The following ADAMTS20 variants were observed in gnomAD, a reference collection of about 807,000 sequenced individuals.
ADAMTS20 encodes ADAM metallopeptidase with thrombospondin type 1 motif 20.
In ADAMTS20, 225 loss-of-function variants were observed where a neutral mutation model predicts 260.1. That is an observed-to-expected ratio of 0.87 (90% CI 0.78 to 0.97). The LOEUF (loss-of-function observed/expected upper bound fraction) is 0.97. Ranked by LOEUF, ADAMTS20 falls within the 50% of genes least tolerant of loss-of-function variation. The pLI is 0.00. For missense variants in ADAMTS20, 2,400 were observed against 2,337.7 expected (o/e 1.03, Z -0.55); for synonymous variants, 802 against 769.5 (o/e 1.04, Z -0.70).
At chr12:43,374,776 G>A (rs564341707) in intron 36 of ADAMTS20, among the ~76,000 whole-genome samples, 2 of 152,270 alleles carry the variant, frequency 1.3e-5, no homozygotes, top group South Asian at 4.1e-4. Context: ...AGTAGACCGA[G>A]GATATTAACT....
At chr12:43,490,607 T>C (rs1322038080) in intron 6 of ADAMTS20, among the ~76,000 whole-genome samples, 172 bp from the exon 7 acceptor site, 4 of 152,084 alleles carry the variant, frequency 2.6e-5, no homozygotes, top group Non-Finnish European at 5.9e-5. Context: ...GCACCATTTG[T>C]CCACATCAAT....
Position 43,439,760 on chromosome 12 carries a change from G to A in ADAMTS20, c.2464-9C>T. ...TTACCCACACACAACACCTCAATAAGAATATAAAAGAACATACAATTAATA... is the reference window on the plus strand; with the variant it reads ...TTACCCACACACAACACCTCAATAAAAATATAAAAGAACATACAATTAATA... On this transcript the variant is annotated splice_polypyrimidine_tract_variant and intron_variant, in intron 17 of 38. Transcript: ENST00000389420. 1 of 1,597,866 alleles carries A rather than the reference G, an allele frequency of 6.3e-7. No homozygotes were observed. The highest frequency in any genetic ancestry group is 1.1e-5 in the South Asian group (1 of 88,030).
chr12:43,481,859 A>G (rs1942447272), intron 7 of ADAMTS20, among the ~76,000 whole-genome samples: 1 of 152,186 alleles, frequency 6.6e-6, no homozygotes, highest in African/African-American at 2.4e-5. Flanking sequence ...AACTTAACCG[A>G]AAAATGGAAA....
chr12:43,361,148 T>C (rs945115670), intron 37 of ADAMTS20, among the ~76,000 whole-genome samples: 2 of 152,228 alleles, frequency 1.3e-5, no homozygotes, highest in Non-Finnish European at 2.9e-5. Context: ...TCCATACTCT[T>C]TTTTAGCATT....
intron 3 of ADAMTS20, among the ~76,000 whole-genome samples, chr12:43,505,515 C>G (rs895956190): frequency 1.3e-5 from 2 of 152,094 alleles, no homozygotes; most frequent in Non-Finnish European, 2.9e-5. Context: ...TACAAATTAT[C>G]AACACACATA....
rs1267469498 is a variant in ADAMTS20, at chr12:43,493,206, T to C, written c.915A>G (p.Ile305Met). The C allele has an allele frequency of 6.4e-7, 1 of 1,563,112 alleles. No homozygotes were observed. The highest frequency in any genetic ancestry group is 1.7e-4 in the Middle Eastern group (1 of 5,786). ...KDPSIGNLIH[I>M]VVVKLVMIHR... ...GAATCATAACTAATTTTACCACTAC[T>C]ATGTGTATCAAATTTCCAATACTTG... Residue 305 changes from isoleucine to methionine, a missense_variant, in exon 5 of 39, where the codon ATA becomes ATG. Coordinates refer to ENST00000389420, the MANE Select transcript of ADAMTS20 (RefSeq NM_025003.5).
intron 2 of ADAMTS20, among the ~76,000 whole-genome samples, chr12:43,542,045 C>G (rs275627): frequency 0.93 from 141,890 of 152,188 alleles, 66,521 homozygotes; most frequent in East Asian, 0.99. Context: ...CAGCAGCCTT[C>G]ATAACATGGA....
Position 43,551,739 on chromosome 12 carries a change from A to G in ADAMTS20, c.91+92T>C, listed in dbSNP as rs1364422252. The G allele has an allele frequency of 3.7e-6, 5 of 1,345,692 alleles. No homozygotes were observed. The highest frequency in any genetic ancestry group is 5.2e-6 in the Non-Finnish European group (5 of 954,020). 83.4% of individuals were successfully genotyped at this position (1,345,692 alleles called of 1,614,324 possible). ...GCTCCAGCAGGGCCAGCGTTCCCCA[A>G]CGGGCTGAGCCGCTCGTCCCCGCGA... On this transcript the variant is annotated intron_variant, in intron 1 of 38. Coordinates refer to ENST00000389420, the MANE Select transcript of ADAMTS20 (RefSeq NM_025003.5). This position sits in a 1 kb window ranked among gnomAD's most constrained non-coding sequence, Gnocchi z 4.6.
chr12:43,433,680 G>A (rs942726355), intron 19 of ADAMTS20: 125 of 319,526 alleles, frequency 3.9e-4, no homozygotes, highest in South Asian at 6.1e-4. Flanking sequence ...GACCAATCAC[G>A]CACACACACA....
intron 18 of ADAMTS20, among the ~76,000 whole-genome samples, chr12:43,439,009 T>A (rs757799657): frequency 1.3e-4 from 20 of 152,316 alleles, no homozygotes; most frequent in Non-Finnish European, 2.2e-4. Flanking sequence ...ATTCCCTCAA[T>A]AAATATGTAC....
At chr12:43,392,040 T>C (rs1292222893) in intron 29 of ADAMTS20, among the ~76,000 whole-genome samples, 1 of 152,164 alleles carries the variant, frequency 6.6e-6, no homozygotes, top group African/African-American at 2.4e-5. Context: ...CTGACCTTCA[T>C]GTTATGCTTA....
intron 28 of ADAMTS20, chr12:43,423,551 GA>G (rs968857250): frequency 1.4e-5 from 8 of 591,696 alleles, no homozygotes; most frequent in Non-Finnish European, 2.4e-5. Flanking sequence ...TCCTAATTGG[GA>G]AAAAATTCCA....
At chr12:43,411,090 A>G (rs1322138273) in intron 28 of ADAMTS20, among the ~76,000 whole-genome samples, 1 of 152,240 alleles carries the variant, frequency 6.6e-6, no homozygotes, top group Non-Finnish European at 1.5e-5. Flanking sequence ...TTAGATATAT[A>G]CAGTATTTAT....
chr12:43,421,244 C>T (rs1421478786), intron 28 of ADAMTS20, among the ~76,000 whole-genome samples: 6 of 124,648 alleles, frequency 4.8e-5, no homozygotes, highest in African/African-American at 9.4e-5. Flanking sequence ...AAAGTGAATG[C>T]GCCAGAATTT....
In ADAMTS20 at chr12:43,492,633, T is replaced by C. The variant is rs376839609; in HGVS notation, c.952-4A>G. ...CAAAATTAATGACTGGTCCTTCCTA[T>C]GCAAAATAAGCAATGCAATACTATG... On this transcript the variant is annotated splice_polypyrimidine_tract_variant and splice_region_variant and intron_variant, in intron 5 of 38. Transcript: ENST00000389420. 4.0e-5 allele frequency: 65 copies of C among 1,613,442 alleles called. 1 individual carries two copies. In the African/African-American group the frequency reaches 6.0e-4, roughly 15 times the overall value.
intron 37 of ADAMTS20, among the ~76,000 whole-genome samples, chr12:43,361,413 A>C (rs1939864287): frequency 6.6e-6 from 1 of 152,270 alleles, no homozygotes; most frequent in African/African-American, 2.4e-5. Context: ...TCCTTTTGAC[A>C]GCATGTGTCT....
At chr12:43,387,183 C>T (rs1274137312) in intron 29 of ADAMTS20, among the ~76,000 whole-genome samples, 1 of 152,116 alleles carries the variant, frequency 6.6e-6, no homozygotes, top group African/African-American at 2.4e-5. Flanking sequence ...GCATGGACGT[C>T]CTTTTGTTGA....
chr12:43,436,361 T>C (rs377036651), intron 18 of ADAMTS20, among the ~76,000 whole-genome samples: 4 of 152,270 alleles, frequency 2.6e-5, no homozygotes, highest in South Asian at 4.1e-4. Flanking sequence ...AGCTTCCTAG[T>C]TGAGAACAGC....
At chr12:43,471,981 A>T (rs1294219665) in intron 7 of ADAMTS20, among the ~76,000 whole-genome samples, 1 of 151,878 alleles carries the variant, frequency 6.6e-6, no homozygotes. Flanking sequence ...ACAAAGCTGG[A>T]TGGAGAATGA....
Sources: gnomAD v4.1 joint callset for allele counts (sites outside exome capture counted in the v4.1 genomes callset) on GRCh38, gnomAD v4.1.1 for gene constraint, Gnocchi (gnomAD v3.1) non-coding constraint, MANE v1.5 for transcripts, NCBI Gene and HGNC (gene_info 2026-07-23, HGNC 2026-07-21) for gene names.